Variants in RBMS3 observed in about 807,000 individuals in gnomAD.
RBMS3 encodes RNA binding motif single stranded interacting protein 3, also known as RNA-binding motif, single-stranded-interacting protein 3.
RBMS3 carries 27 observed loss-of-function variants against 66.8 expected under a neutral mutation model. That is an observed-to-expected ratio of 0.40 (90% CI 0.30 to 0.56). The LOEUF is 0.56. Ranked by LOEUF, RBMS3 falls within the 20% of genes least tolerant of loss-of-function variation. The pLI, the probability that RBMS3 is intolerant of heterozygous loss-of-function variation, is 0.40. For synonymous variants in RBMS3, 188 were observed against 183.0 expected, an observed-to-expected ratio of 1.03 and a Z score of -0.22; for missense variants, 513 against 549.5, an observed-to-expected ratio of 0.93 and a Z score of 0.66.
intron 4 of RBMS3, among the ~76,000 whole-genome samples, chr3:29,668,187 A>G (rs1312146298): frequency 6.6e-6 from 1 of 152,226 alleles, no homozygotes; most frequent in African/African-American, 2.4e-5. Context: ...AAATGTTAGG[A>G]CTGGAGGAGA....
intron 4 of RBMS3, among the ~76,000 whole-genome samples, chr3:29,677,833 G>A (rs1041205585): frequency 2.0e-5 from 3 of 152,086 alleles, no homozygotes; most frequent in Non-Finnish European, 2.9e-5. Context: ...TTAGTGTAAT[G>A]TAATAGAAAA....
intron 1 of RBMS3, among the ~76,000 whole-genome samples, chr3:29,426,507 G>A (rs1484872785): frequency 6.6e-6 from 1 of 152,162 alleles, no homozygotes; most frequent in African/African-American, 2.4e-5. Flanking sequence ...TATGCAATCT[G>A]CTGAGGTTTT....
chr3:29,463,196 T>C (rs1479980820), intron 2 of RBMS3, among the ~76,000 whole-genome samples: 1 of 152,186 alleles, frequency 6.6e-6, no homozygotes, highest in East Asian at 1.9e-4. Flanking sequence ...TTTGTTAACA[T>C]TTAACCTATT....
chr3:29,577,380 G>A (rs930281483), intron 3 of RBMS3, among the ~76,000 whole-genome samples: 9 of 152,174 alleles, frequency 5.9e-5, no homozygotes, highest in African/African-American at 2.2e-4. Context: ...GGGGAGGGAT[G>A]GCACAAGCAT....
At chr3:29,540,537 T>C (rs929591911) in intron 3 of RBMS3, among the ~76,000 whole-genome samples, 9 of 152,192 alleles carry the variant, frequency 5.9e-5, no homozygotes, top group Non-Finnish European at 1.2e-4. Flanking sequence ...ATATATTGTT[T>C]TTCTGATCTG....
chr3:29,455,295 A>G (rs1166073782), intron 2 of RBMS3, among the ~76,000 whole-genome samples: 1 of 152,188 alleles, frequency 6.6e-6, no homozygotes, highest in Non-Finnish European at 1.5e-5. Context: ...CCTTTATTGT[A>G]TACATTATGA....
intron 1 of RBMS3, among the ~76,000 whole-genome samples, chr3:29,361,333 C>T (rs941248769): frequency 1.3e-5 from 2 of 152,050 alleles, no homozygotes; most frequent in Non-Finnish European, 2.9e-5. Flanking sequence ...ATATGAAATT[C>T]TGGGTTGAAA....
chr3:29,327,278 AT>A (rs573465876), intron 1 of RBMS3, among the ~76,000 whole-genome samples: 44 of 152,262 alleles, frequency 2.9e-4, no homozygotes, highest in African/African-American at 8.7e-4. Flanking sequence ...TTTGATGATG[AT>A]TAAGGCAATA....
chr3:29,561,568 T>G (rs1478235312), intron 3 of RBMS3, among the ~76,000 whole-genome samples: 1 of 152,162 alleles, frequency 6.6e-6, no homozygotes, highest in Admixed American at 6.5e-5. Context: ...TTCCCCTGCC[T>G]CAGCCTCCTG....
At chr3:29,681,739 T>G (rs2051506413) in intron 4 of RBMS3, among the ~76,000 whole-genome samples, 1 of 152,230 alleles carries the variant, frequency 6.6e-6, no homozygotes, top group Non-Finnish European at 1.5e-5. Context: ...CACATTTTCT[T>G]TATCCAGTCT....
chr3:29,712,389 T>A (rs1576591316), intron 4 of RBMS3, among the ~76,000 whole-genome samples: 1 of 152,288 alleles, frequency 6.6e-6, no homozygotes, highest in Admixed American at 6.5e-5. Flanking sequence ...CTTGGCTCAC[T>A]GCAACCTCTG....
At chr3:29,866,101 T>A (rs1216902037) in intron 6 of RBMS3, among the ~76,000 whole-genome samples, 1 of 109,110 alleles carries the variant, frequency 9.2e-6, no homozygotes, top group African/African-American at 5.3e-5. Context: ...AAAAAAAAAT[T>A]CCTCTTCTTG....
At chr3:29,795,186 T>C (rs998057158) in intron 6 of RBMS3, among the ~76,000 whole-genome samples, 4 of 152,206 alleles carry the variant, frequency 2.6e-5, no homozygotes, top group African/African-American at 9.6e-5. Context: ...TACCTTTCTC[T>C]GTCTTTTGTA....
At chr3:29,898,584 A>T (rs1318685513) in intron 9 of RBMS3, among the ~76,000 whole-genome samples, 1 of 151,650 alleles carries the variant, frequency 6.6e-6, no homozygotes, top group Non-Finnish European at 1.5e-5. Flanking sequence ...TTCTTGAAAC[A>T]TATCCGTGGG....
In RBMS3 at chr3:29,499,251, T is replaced by C. The variant is rs1055654940; in HGVS notation, c.307+10752T>C. 5.3e-5 allele frequency among the ~76,000 whole-genome samples: 8 copies of C among 151,634 alleles called. No homozygotes were observed. In the East Asian group the frequency reaches 1.6e-3, roughly 29 times the overall value. On this transcript the variant is annotated intron_variant, in intron 3 of 14. Coordinates refer to ENST00000383767, the MANE Select transcript of RBMS3 (RefSeq NM_001003793.3). ...ATTTAAGGCATGGTCAATCATCATT[T>C]GCTTTGGTGCTAGCCATTGTTCTTA...
intron 12 of RBMS3, among the ~76,000 whole-genome samples, chr3:29,967,173 T>C (rs1225719545): frequency 6.6e-6 from 1 of 152,180 alleles, no homozygotes. Context: ...TGTCCTTTCC[T>C]GGTTTTGGTA....
chr3:29,530,724 T>G (rs2045320116), intron 3 of RBMS3, among the ~76,000 whole-genome samples: 1 of 147,124 alleles, frequency 6.8e-6, no homozygotes, highest in African/African-American at 2.6e-5. Flanking sequence ...AAAAAAAAAT[T>G]AGATGGGCGT....
Position 29,293,884 on chromosome 3 carries a change from T to C in RBMS3, c.75+12128T>C, listed in dbSNP as rs180739256. Among the ~76,000 whole-genome samples the C allele has an allele frequency of 5.3e-5, 8 of 151,732 alleles. No homozygotes were observed. The East Asian group carries it at 1.4e-3, about 26-fold the overall frequency. ...CTCTCAGCTTTCAGTCTTTTCTTTT[T>C]TTTTTTAATTATTGCTTTTTATATG... is the stretch of plus-strand genomic sequence containing the variant. On this transcript the variant is annotated intron_variant, in intron 1 of 14. Coordinates refer to ENST00000383767, the MANE Select transcript of RBMS3 (RefSeq NM_001003793.3).
chr3:29,831,855 AG>A (rs2058377304), intron 6 of RBMS3, among the ~76,000 whole-genome samples: 1 of 142,734 alleles, frequency 7.0e-6, no homozygotes, highest in Non-Finnish European at 1.6e-5. Context: ...TTCTGAGGGT[AG>A]ACATTTACCT....
Sources: allele counts gnomAD v4.1 joint callset (sites outside exome capture counted in the v4.1 genomes callset), GRCh38; gene constraint gnomAD v4.1.1; transcripts MANE v1.5; gene names NCBI Gene and HGNC (gene_info 2026-07-23, HGNC 2026-07-21).